The following SCN8A variants were observed in gnomAD, a reference collection of about 807,000 sequenced individuals.
The protein encoded by SCN8A is sodium voltage-gated channel alpha subunit 8.
Under a neutral mutation model 184.1 loss-of-function variants are expected in SCN8A, and 30 were observed. That is an observed-to-expected ratio of 0.16 (90% confidence interval 0.12 to 0.22). The LOEUF is 0.22. SCN8A is among the 10% of genes least tolerant of loss of function. The pLI, the probability that SCN8A is intolerant of heterozygous loss-of-function variation, is 1.00. For missense variants in SCN8A, 1,057 were observed against 2,498.9 expected (o/e 0.42, Z 12.30); for synonymous variants, 852 against 907.0 (o/e 0.94, Z 1.09).
chr12:51,801,003 CTA>C (rs1488701375), intron 26 of SCN8A, among the ~76,000 whole-genome samples: 3 of 152,144 alleles, frequency 2.0e-5, no homozygotes, highest in Admixed American at 6.5e-5. Context: ...GCATGATTCT[CTA>C]TTTTTATAAT....
intron 1 of SCN8A, among the ~76,000 whole-genome samples, chr12:51,604,296 G>A (rs1178938886): frequency 6.7e-6 from 1 of 150,092 alleles, no homozygotes; most frequent in African/African-American, 2.5e-5. Context: ...GCAGTTAACT[G>A]TTTGAGCACC....
At chr12:51,628,776 C>A (rs984093201) in intron 1 of SCN8A, among the ~76,000 whole-genome samples, 1 of 152,018 alleles carries the variant, frequency 6.6e-6, no homozygotes, top group Admixed American at 6.6e-5. Flanking sequence ...TGGCAGATAC[C>A]CACCTGTTTC....
chr12:51,737,022 C>CA (rs1342821331), intron 12 of SCN8A, among the ~76,000 whole-genome samples: 8 of 152,282 alleles, frequency 5.3e-5, no homozygotes, highest in Non-Finnish European at 1.2e-4. Flanking sequence ...TAGTTAATTT[C>CA]AAAAAACTGA....
intron 11 of SCN8A, among the ~76,000 whole-genome samples, chr12:51,710,992 A>G (rs1941865503): frequency 1.2e-5 from 1 of 84,572 alleles, no homozygotes; most frequent in Non-Finnish European, 3.0e-5. Flanking sequence ...TGTTAGACAA[A>G]TGAATGCAAG....
Position 51,759,487 on chromosome 12 carries a change from C to G in SCN8A, c.2371-3016C>G, listed in dbSNP as rs80098116. Among the ~76,000 whole-genome samples the G allele has an allele frequency of 3.4e-3, 514 of 152,284 alleles. 1 individual carries two copies. The highest frequency in any genetic ancestry group is 0.012 in the African/African-American group (484 of 41,570). ...CAGGACAGCTCAAGAGTTCATCATG[C>G]TACTCAGAACAGTATGCAATTTAAA... is the stretch of plus-strand genomic sequence containing the variant. On this transcript the variant is annotated intron_variant, in intron 14 of 26. Coordinates refer to ENST00000627620, the MANE Select transcript of SCN8A (RefSeq NM_001330260.2).
chr12:51,653,055 C>T (rs946189366), intron 1 of SCN8A, among the ~76,000 whole-genome samples: 4 of 152,166 alleles, frequency 2.6e-5, no homozygotes, highest in Non-Finnish European at 5.9e-5. Flanking sequence ...CGAGGTGGCT[C>T]ACGCCTGTAA....
Position 51,631,424 on chromosome 12 carries a change from A to G in SCN8A, c.-54-31340A>G, listed in dbSNP as rs558938889. On this transcript the variant is annotated intron_variant, in intron 1 of 26. Coordinates refer to ENST00000627620, the MANE Select transcript of SCN8A (RefSeq NM_001330260.2). The stretch of plus-strand genomic sequence containing the variant: ...TTAAAGAGGAAAAGATGCAGATGTG[A>G]TTCTAAGTTGTTTATTTATTCTTGT... Among the ~76,000 whole-genome samples the G allele has an allele frequency of 2.6e-5, 4 of 152,334 alleles. No individual in the cohort carries two copies. In the South Asian group the frequency reaches 8.3e-4, roughly 32 times the overall value.
intron 1 of SCN8A, among the ~76,000 whole-genome samples, chr12:51,595,380 C>A (rs996023271): frequency 2.0e-5 from 3 of 152,300 alleles, no homozygotes; most frequent in African/African-American, 7.2e-5. Context: ...GAAAAATTAT[C>A]CCTTTGTGAA....
At chr12:51,610,629 CTG>C (rs1433872468) in intron 1 of SCN8A, among the ~76,000 whole-genome samples, 3 of 152,154 alleles carry the variant, frequency 2.0e-5, no homozygotes, top group Admixed American at 2.0e-4. Flanking sequence ...CTGAAAAAGA[CTG>C]TATCTTTCCT....
chr12:51,782,352 G>C (rs1328180057), intron 21 of SCN8A, among the ~76,000 whole-genome samples: 6 of 152,194 alleles, frequency 3.9e-5, no homozygotes, highest in African/African-American at 1.4e-4. Context: ...TTGAAAATGT[G>C]GTTAAAATGT....
Position 51,662,952 on chromosome 12 carries a change from G to C in SCN8A, c.135G>C (p.Arg45=), listed in dbSNP as rs1465422536. ...CACCAAAGGCCGATGGCAGTCATCG[G>C]GAGGACGATGAGGACAGCAAGCCCA... ...KKPPKADGSH[R]EDDEDSKPKP... Residue 45 remains arginine, a synonymous_variant, in exon 2 of 27, where the codon CGG becomes CGC. Transcript: ENST00000627620. 6.2e-7 allele frequency: 1 copy of C among 1,614,044 alleles called. No individual in the cohort carries two copies. Among genetic ancestry groups the C allele is most frequent in the South Asian group, 1.1e-5 (1 of 91,082 alleles).
At position 51,663,082 on chromosome 12, in the gene SCN8A, T is replaced by G. The variant is rs1168281350; in HGVS notation, c.265T>G (p.Leu89Val). 1 of 1,613,458 alleles carries G rather than the reference T, an allele frequency of 6.2e-7. No homozygotes were observed. Among genetic ancestry groups the G allele is most frequent in the African/African-American group, 1.3e-5 (1 of 74,904 alleles). ...CCTGGAGGACTTTGACCCATACTAT[T>G]TGACGCAGAAAGTGAGTTGGAGGAG... is the stretch of plus-strand genomic sequence containing the variant. The part of the protein sequence containing the change: ...VPLEDFDPYY[L>V]TQKTFVVLNR... The change falls in exon 2 of 27, where the codon TTG becomes GTG. Residue 89 changes from leucine to valine, a missense_variant. By Grantham distance (32) the Leu-to-Val change is conservative. Around this residue, in one of 19 missense-constraint regions of SCN8A, gnomAD observed 66 missense variants for 276.4 expected, o/e 0.24. Transcript: ENST00000627620.
chr12:51,656,518 AT>A lies in SCN8A; in HGVS notation c.-54-6243del, dbSNP rs528696804. ...TTAAGACAGGTGAAAGAGAGGAAATATTTGAAATATTATATCTGACAAATGA... is the reference window on the plus strand; with the variant it reads ...TTAAGACAGGTGAAAGAGAGGAAATATTGAAATATTATATCTGACAAATGA... On this transcript the variant is annotated intron_variant, in intron 1 of 26. Coordinates refer to ENST00000627620, the MANE Select transcript of SCN8A (RefSeq NM_001330260.2). Among the ~76,000 whole-genome samples the A allele has an allele frequency of 2.8e-3, 424 of 152,334 alleles. 1 individual carries two copies. The highest frequency in any genetic ancestry group is 9.7e-3 in the African/African-American group (402 of 41,580).
At chr12:51,694,040 C>A (rs971922411) in intron 6 of SCN8A, among the ~76,000 whole-genome samples, 3 of 152,236 alleles carry the variant, frequency 2.0e-5, no homozygotes, top group Non-Finnish European at 2.9e-5. Context: ...TCAAGCGATT[C>A]TCCTGCCTCA....
At chr12:51,784,437 C>G (rs982764566) in intron 21 of SCN8A, among the ~76,000 whole-genome samples, 2 of 152,060 alleles carry the variant, frequency 1.3e-5, no homozygotes, top group Non-Finnish European at 2.9e-5. Context: ...CACCTGTAGT[C>G]CCAGTTACTC....
At chr12:51,792,026 G>T (rs1385203174) in intron 25 of SCN8A, among the ~76,000 whole-genome samples, 1 of 152,142 alleles carries the variant, frequency 6.6e-6, no homozygotes, top group East Asian at 1.9e-4. Context: ...TGCTGTCATG[G>T]AGCTTATAAT....
chr12:51,780,324 A>T, intron 20 of SCN8A: 1 of 389,652 alleles, frequency 2.6e-6, no homozygotes, highest in East Asian at 9.1e-5. Flanking sequence ...GAACTTCCTC[A>T]CTCTCTCCCT....
intron 12 of SCN8A, among the ~76,000 whole-genome samples, chr12:51,736,372 C>A (rs1258111511): frequency 6.6e-6 from 1 of 152,140 alleles, no homozygotes; most frequent in Non-Finnish European, 1.5e-5. Context: ...AGCTAGTCTC[C>A]CAAACGAGGG....
At chr12:51,777,571 G>A (rs1937744210) in intron 20 of SCN8A, among the ~76,000 whole-genome samples, 1 of 152,142 alleles carries the variant, frequency 6.6e-6, no homozygotes. Flanking sequence ...AGGATTATAA[G>A]AGAGCCCTCA....
Sources: gnomAD v4.1 joint callset for allele counts (sites outside exome capture counted in the v4.1 genomes callset) on GRCh38, gnomAD v4.1.1 for gene constraint, gnomAD v4.1.1 regional missense constraint, MANE v1.5 for transcripts, NCBI Gene and HGNC (gene_info 2026-07-23, HGNC 2026-07-21) for gene names.